Variants in TBC1D22A observed in about 807,000 individuals in gnomAD.
The protein encoded by TBC1D22A is TBC1 domain family member 22A.
In TBC1D22A, 38 loss-of-function variants were observed where a neutral mutation model predicts 60.2. The observed-to-expected ratio is 0.63, with a 90% CI of 0.49 to 0.83. The LOEUF is 0.83. TBC1D22A is among the 40% of genes least tolerant of loss of function. The pLI is 0.00. For missense variants in TBC1D22A, 628 were observed against 701.0 expected (o/e 0.90, Z 1.18); for synonymous variants, 302 against 281.7 (o/e 1.07, Z -0.72).
At chr22:46,972,455 AG>A (rs1486906465) in intron 8 of TBC1D22A, among the ~76,000 whole-genome samples, 3 of 152,206 alleles carry the variant, frequency 2.0e-5, no homozygotes, top group African/African-American at 7.2e-5. Context: ...GGTGCGGCTC[AG>A]TCGTGAAGAG....
chr22:47,031,840 G>T (rs899471751), intron 10 of TBC1D22A, among the ~76,000 whole-genome samples: 1 of 152,180 alleles, frequency 6.6e-6, no homozygotes, highest in African/African-American at 2.4e-5. Flanking sequence ...GCTGGAACGG[G>T]CTCCTTCTCC....
Position 47,020,836 on chromosome 22 carries a change from G to A in TBC1D22A, c.1202-16235G>A, listed in dbSNP as rs2062060971. ...CATGGGATTGTAGGATATCAATCCT[G>A]TAATTATATAATTACAGGATTATAT... On this transcript the variant is annotated intron_variant, in intron 10 of 12. Transcript: ENST00000337137. 2.0e-5 allele frequency among the ~76,000 whole-genome samples: 3 copies of A among 146,592 alleles called. No homozygotes were observed. In the South Asian group the frequency reaches 6.3e-4, roughly 31 times the overall value.
At position 46,882,766 on chromosome 22, in the gene TBC1D22A, AAGGCAGATAACCAAAG is replaced by A. The variant is rs572270861; in HGVS notation, c.708+4060_708+4075del. On this transcript the variant is annotated intron_variant, in intron 5 of 12. Transcript: ENST00000337137. ...GAATTTATCATTTGTCCAGCTTAAA[AAGGCAGATAACCAAAG>A]AGGCAGATAACCAAAGCTGTGCTTG... 1.4e-3 allele frequency among the ~76,000 whole-genome samples: 213 copies of A among 152,332 alleles called. 1 individual carries two copies. The highest frequency in any genetic ancestry group is 4.9e-3 in the African/African-American group (204 of 41,572).
chr22:47,045,467 T>G (rs1412676061), intron 11 of TBC1D22A, among the ~76,000 whole-genome samples: 1 of 152,174 alleles, frequency 6.6e-6, no homozygotes. Context: ...CTGAATAAAT[T>G]TCCTTGTACT....
chr22:47,034,693 G>T (rs1428054057), intron 10 of TBC1D22A, among the ~76,000 whole-genome samples: 1 of 152,232 alleles, frequency 6.6e-6, no homozygotes, highest in Non-Finnish European at 1.5e-5. Context: ...AGGCAGGGGA[G>T]GCAATCCCTG....
chr22:47,097,018 A>G (rs2065206290), intron 11 of TBC1D22A, among the ~76,000 whole-genome samples: 1 of 69,146 alleles, frequency 1.4e-5, no homozygotes, highest in African/African-American at 7.7e-5. Context: ...TCTGGCTGGC[A>G]CTGCTGTGCC....
chr22:46,800,160 C>T (rs1027143718), intron 4 of TBC1D22A, among the ~76,000 whole-genome samples: 3 of 152,144 alleles, frequency 2.0e-5, no homozygotes, highest in African/African-American at 2.4e-5. Context: ...CCAGCCCCTG[C>T]GGTTGGGCAG....
intron 10 of TBC1D22A, among the ~76,000 whole-genome samples, chr22:47,033,138 G>A (rs916845955): frequency 5.3e-5 from 8 of 152,220 alleles, no homozygotes; most frequent in African/African-American, 1.9e-4. Context: ...ACGTGTCAGT[G>A]CGCTGGGGGC....
At chr22:47,152,578 G>A (rs148978080) in intron 12 of TBC1D22A, among the ~76,000 whole-genome samples, 13 of 152,340 alleles carry the variant, frequency 8.5e-5, no homozygotes, top group South Asian at 2.1e-4. Context: ...TCGCAGTTGC[G>A]CTCTCTGTCG....
chr22:46,926,197 G>A (rs1470208941), intron 8 of TBC1D22A, among the ~76,000 whole-genome samples: 6 of 152,054 alleles, frequency 3.9e-5, no homozygotes, highest in Non-Finnish European at 7.4e-5. Flanking sequence ...TAGTTGTAAC[G>A]GACTATATTA....
intron 4 of TBC1D22A, among the ~76,000 whole-genome samples, chr22:46,825,674 A>G (rs914425665): frequency 6.6e-6 from 1 of 151,550 alleles, no homozygotes; most frequent in African/African-American, 2.4e-5. Flanking sequence ...GGGTTTTGCC[A>G]TGTTGGCCAG....
chr22:46,969,264 T>A (rs2073953695), intron 8 of TBC1D22A, among the ~76,000 whole-genome samples: 1 of 152,144 alleles, frequency 6.6e-6, no homozygotes, highest in Non-Finnish European at 1.5e-5. Context: ...GACATTCCCT[T>A]TTACTCTCTG....
intron 10 of TBC1D22A, among the ~76,000 whole-genome samples, chr22:47,030,851 A>C (rs1360706586): frequency 6.6e-6 from 1 of 152,252 alleles, no homozygotes; most frequent in Non-Finnish European, 1.5e-5. Context: ...GGAGTTTAGC[A>C]GCCCATCCTT....
At chr22:46,904,715 G>T (rs1387285103) in intron 7 of TBC1D22A, among the ~76,000 whole-genome samples, 1 of 151,592 alleles carries the variant, frequency 6.6e-6, no homozygotes, top group Non-Finnish European at 1.5e-5. Context: ...TGATCTGCCT[G>T]CCTCGGCCTC....
At chr22:46,893,585 T>A (rs1260746771) in intron 6 of TBC1D22A, among the ~76,000 whole-genome samples, 1 of 152,340 alleles carries the variant, frequency 6.6e-6, no homozygotes, top group South Asian at 2.1e-4. Context: ...CTTATGCTGC[T>A]CATGCTGGGG....
chr22:46,924,947 T>C (rs753097), intron 8 of TBC1D22A, among the ~76,000 whole-genome samples: 119,865 of 152,058 alleles, frequency 0.79, 47,534 homozygotes, highest in African/African-American at 0.87. Flanking sequence ...CATGAGAGGA[T>C]GAACGCAGAG....
chr22:47,143,983 C>T (rs1333270018), intron 12 of TBC1D22A, among the ~76,000 whole-genome samples: 1 of 152,216 alleles, frequency 6.6e-6, no homozygotes, highest in Non-Finnish European at 1.5e-5. Context: ...TGCCTGGCCA[C>T]ACTCCGAATC....
intron 11 of TBC1D22A, among the ~76,000 whole-genome samples, chr22:47,065,937 G>A (rs2063759700): frequency 6.6e-6 from 1 of 152,152 alleles, no homozygotes; most frequent in African/African-American, 2.4e-5. Context: ...GGGCACACTG[G>A]ACCCATGCCT....
intron 9 of TBC1D22A, among the ~76,000 whole-genome samples, chr22:46,988,988 C>G (rs1215637064): frequency 6.6e-6 from 1 of 152,246 alleles, no homozygotes; most frequent in Non-Finnish European, 1.5e-5. Flanking sequence ...GCTAGATCTT[C>G]TGGAGAACTT....
Sources: gnomAD v4.1 joint callset for allele counts (sites outside exome capture counted in the v4.1 genomes callset) on GRCh38, gnomAD v4.1.1 for gene constraint, MANE v1.5 for transcripts, NCBI Gene and HGNC (gene_info 2026-07-23, HGNC 2026-07-21) for gene names.